The following DPYD variants were observed in gnomAD, a reference collection of about 807,000 sequenced individuals.
DPYD encodes the protein dihydropyrimidine dehydrogenase, also known as dihydropyrimidine dehydrogenase [NADP(+)].
A neutral mutation model predicts 116.2 loss-of-function variants in DPYD; 109 were observed. That is an observed-to-expected ratio of 0.94 (90% CI 0.80 to 1.10). DPYD has a LOEUF of 1.10. DPYD is among the 50% of genes least tolerant of loss of function. The pLI is 0.00. For missense variants in DPYD, 1,302 were observed against 1,254.5 expected (o/e 1.04, Z -0.57); for synonymous variants, 440 against 432.0 (o/e 1.02, Z -0.23).
At chr1:97,257,479 C>G (rs567039213) in intron 18 of DPYD, among the ~76,000 whole-genome samples, 96 of 125,030 alleles carry the variant, frequency 7.7e-4, no homozygotes, top group African/African-American at 3.5e-3. Flanking sequence ...AGAGAGAGCA[C>G]GTGAGTTATG....
At position 97,193,141 on chromosome 1, in the gene DPYD, A is replaced by G. The variant is rs777542103; in HGVS notation, c.2550T>C (p.Asp850=). ...GACTCACAGTAGCTGGACTCTGTCC[A>G]TCCCAGTCTTGTAGTTCTTCAATGC... is the stretch of plus-strand genomic sequence containing the variant. ...LKSIEELQDW[D]GQSPATVSHQ... The change falls in exon 20 of 23, where the codon GAT becomes GAC. Residue 850 remains aspartate (D), a synonymous_variant. Coordinates refer to ENST00000370192, the MANE Select transcript of DPYD (RefSeq NM_000110.4). 37 of 1,613,946 alleles carry G rather than the reference A, an allele frequency of 2.3e-5. 1 individual carries two copies. Among genetic ancestry groups the G allele is most frequent in the Non-Finnish European group, 3.1e-5 (36 of 1,179,966 alleles).
At chr1:97,545,739 G>A in intron 12 of DPYD, 2 of 1,479,348 alleles carry the variant, frequency 1.4e-6, no homozygotes, top group South Asian at 2.3e-5. Context: ...GTGAAGAAAG[G>A]GAATTTCGTG....
At chr1:97,130,943 A>C (rs1653297013) in intron 20 of DPYD, among the ~76,000 whole-genome samples, 1 of 142,600 alleles carries the variant, frequency 7.0e-6, no homozygotes, top group African/African-American at 2.6e-5. Flanking sequence ...CTATCTATCT[A>C]TCTATCTATC....
At chr1:97,318,697 C>A (rs1282497587) in intron 16 of DPYD, among the ~76,000 whole-genome samples, 53 of 149,964 alleles carry the variant, frequency 3.5e-4, no homozygotes, top group East Asian at 1.2e-3. Flanking sequence ...ACAAGGATAC[C>A]CAGGAATTGA....
chr1:97,419,063 G>A (rs1674438840), intron 14 of DPYD, among the ~76,000 whole-genome samples: 1 of 152,098 alleles, frequency 6.6e-6, no homozygotes, highest in African/African-American at 2.4e-5. Flanking sequence ...GAGATCATTT[G>A]ACTTTTTCTT....
At chr1:97,457,246 G>A (rs1364342980) in intron 13 of DPYD, among the ~76,000 whole-genome samples, 2 of 152,090 alleles carry the variant, frequency 1.3e-5, no homozygotes, top group Non-Finnish European at 2.9e-5. Flanking sequence ...CAAGGAAGGA[G>A]TTTTACTCAC....
intron 4 of DPYD, among the ~76,000 whole-genome samples, chr1:97,733,314 T>C (rs1663740219): frequency 6.6e-6 from 1 of 152,018 alleles, no homozygotes. Context: ...CGTATGTTCA[T>C]TATAAGAAGC....
intron 20 of DPYD, among the ~76,000 whole-genome samples, chr1:97,173,249 C>CACATATATGTACACATATGTACAT (rs1557911442): frequency 8.6e-6 from 1 of 116,740 alleles, no homozygotes; most frequent in East Asian, 3.4e-4. Flanking sequence ...CATATATGTA[C>CACATATATGTACACATATGTACAT]ATATATGCAC....
chr1:97,642,719 T>G (rs1480075087), intron 8 of DPYD, among the ~76,000 whole-genome samples: 1 of 106,206 alleles, frequency 9.4e-6, no homozygotes, highest in Non-Finnish European at 1.8e-5. Context: ...CATCACACTC[T>G]GGGGACTGTT....
intron 14 of DPYD, among the ~76,000 whole-genome samples, chr1:97,406,681 G>A (rs1673678852): frequency 6.6e-6 from 1 of 151,636 alleles, no homozygotes; most frequent in Non-Finnish European, 1.5e-5. Flanking sequence ...TTGTTAAGAT[G>A]GAGTGGCAAC....
At chr1:97,397,956 T>C (rs553129528) in intron 14 of DPYD, among the ~76,000 whole-genome samples, 1 of 147,672 alleles carries the variant, frequency 6.8e-6, no homozygotes, top group African/African-American at 2.5e-5. Context: ...TTTTTTTTTT[T>C]AAATTATACT....
chr1:97,425,223 A>G (rs1420813849), intron 14 of DPYD, among the ~76,000 whole-genome samples: 1 of 152,088 alleles, frequency 6.6e-6, no homozygotes, highest in South Asian at 2.1e-4. Context: ...TTTCAACTAA[A>G]GAAAAACAAA....
In DPYD at chr1:97,677,637, G is replaced by A. The variant is rs190302586; in HGVS notation, c.850+1458C>T. Among the ~76,000 whole-genome samples, 570 of 152,156 alleles carry A rather than the reference G, an allele frequency of 3.7e-3. 2 individuals are homozygous for A. The highest frequency in any genetic ancestry group is 5.8e-3 in the Non-Finnish European group (393 of 67,990). The stretch of plus-strand genomic sequence containing the variant: ...TGATATACACAATAAATATAATATT[G>A]TAATTAAGATCATACAGACAGATAC... On this transcript the variant is annotated intron_variant, in intron 8 of 22. Coordinates refer to ENST00000370192, the MANE Select transcript of DPYD (RefSeq NM_000110.4).
At chr1:97,492,538 G>A (rs370372657) in intron 13 of DPYD, among the ~76,000 whole-genome samples, 6 of 152,078 alleles carry the variant, frequency 3.9e-5, no homozygotes, top group Admixed American at 2.0e-4. Flanking sequence ...GACTATTGAC[G>A]TTCCACGTAT....
intron 16 of DPYD, among the ~76,000 whole-genome samples, chr1:97,359,486 C>A (rs1437338129): frequency 6.6e-6 from 1 of 152,080 alleles, no homozygotes; most frequent in East Asian, 1.9e-4. Flanking sequence ...TTGAGAAGAG[C>A]AACTCCAAGA....
chr1:97,291,369 T>TA (rs1353649473), intron 18 of DPYD, among the ~76,000 whole-genome samples: 1 of 151,924 alleles, frequency 6.6e-6, no homozygotes, highest in Non-Finnish European at 1.5e-5. Context: ...ATCATGCTGC[T>TA]ATAAAGACAC....
intron 8 of DPYD, among the ~76,000 whole-genome samples, chr1:97,638,955 C>T (rs1657725749): frequency 6.6e-6 from 1 of 152,090 alleles, no homozygotes; most frequent in African/African-American, 2.4e-5. Context: ...AACATCCAAA[C>T]CATATCATTT....
chr1:97,113,066 G>C (rs1404639469), intron 20 of DPYD, among the ~76,000 whole-genome samples: 1 of 152,082 alleles, frequency 6.6e-6, no homozygotes, highest in Admixed American at 6.6e-5. Context: ...TCTTAAGAGT[G>C]GTTTTCAGAA....
At chr1:97,176,072 A>G (rs1263359909) in intron 20 of DPYD, among the ~76,000 whole-genome samples, 1 of 152,192 alleles carries the variant, frequency 6.6e-6, no homozygotes, top group Non-Finnish European at 1.5e-5. Context: ...AGTGAAGCCT[A>G]TGTCTTGAGT....
Sources: allele counts gnomAD v4.1 joint callset (sites outside exome capture counted in the v4.1 genomes callset), GRCh38; gene constraint gnomAD v4.1.1; transcripts MANE v1.5; gene names NCBI Gene and HGNC (gene_info 2026-07-23, HGNC 2026-07-21).